Variants in RBPMS observed in about 807,000 individuals in gnomAD.
RBPMS encodes the protein RNA binding protein, mRNA processing factor, also known as RNA-binding protein with multiple splicing.
In RBPMS, 7 loss-of-function variants were observed where a neutral mutation model predicts 26.8. That is an observed-to-expected ratio of 0.26 (90% CI 0.15 to 0.49). RBPMS has a LOEUF of 0.49. Ranked by LOEUF, RBPMS falls within the 20% of genes least tolerant of loss-of-function variation. The pLI is 0.98. For synonymous variants in RBPMS, 96 were observed against 93.3 expected, an observed-to-expected ratio of 1.03 and a Z score of -0.17; for missense variants, 186 against 250.0, an observed-to-expected ratio of 0.74 and a Z score of 1.73.
chr8:30,515,943 C>T (rs1000799950), intron 5 of RBPMS, among the ~76,000 whole-genome samples: 2 of 152,242 alleles, frequency 1.3e-5, no homozygotes, highest in African/African-American at 4.8e-5. Context: ...GGCACCGTAC[C>T]TGGCCCCTTA....
intron 1 of RBPMS, among the ~76,000 whole-genome samples, chr8:30,428,705 T>G (rs1414988581): frequency 1.3e-5 from 2 of 152,076 alleles, no homozygotes; most frequent in East Asian, 3.9e-4. Context: ...TTCATTTCCT[T>G]ATATTATAAA....
rs1554522504 is a variant in RBPMS at position 30,477,764 on chromosome 8, A to G, written c.145-35A>G. 6 of 1,486,472 alleles carry G rather than the reference A, an allele frequency of 4.0e-6. No individual in the cohort carries two copies. The Admixed American group carries it at 1.0e-4, about 25-fold the overall frequency. 92.1% of individuals were successfully genotyped at this position (1,486,472 alleles called of 1,614,324 possible). A position where few individuals can be genotyped will look rare whatever the true frequency, so the allele number is the denominator to read the frequency against. ...TGAACAAGATGGTATTACTACAGTT[A>G]CTTTTGGCTAAACTTGGTTTTTCTT... On this transcript the variant is annotated intron_variant, in intron 2 of 8. Transcript: ENST00000397323.
In RBPMS at chr8:30,556,337, A is replaced by G. The variant is rs1177341720; in HGVS notation, c.529-2550A>G. On this transcript the variant is annotated intron_variant, in intron 6 of 8. Transcript: ENST00000397323. Reference sequence around the variant, plus strand: ...CGACCAGGCTGACGAGAGCCTGAAGACGGGCTGCACGCTCGTCCCCAACCC... The same window carrying G: ...CGACCAGGCTGACGAGAGCCTGAAGGCGGGCTGCACGCTCGTCCCCAACCC... 6 of 985,602 alleles carry G rather than the reference A, an allele frequency of 6.1e-6. No homozygotes were observed. In the East Asian group the frequency reaches 6.8e-4, roughly 112 times the overall value. 61.1% of individuals were successfully genotyped at this position (985,602 alleles called of 1,614,324 possible).
At chr8:30,388,109 G>A (rs947889907) in intron 1 of RBPMS, among the ~76,000 whole-genome samples, 4 of 151,982 alleles carry the variant, frequency 2.6e-5, no homozygotes, top group African/African-American at 4.8e-5. Context: ...TGTAATACAC[G>A]TACAATGTAT....
At chr8:30,432,896 C>T (rs890713861) in intron 1 of RBPMS, among the ~76,000 whole-genome samples, 1 of 152,182 alleles carries the variant, frequency 6.6e-6, no homozygotes. Flanking sequence ...ATCCTTTTCG[C>T]TTAAACATTC....
chr8:30,509,967 T>TA (rs1821414244), intron 5 of RBPMS, among the ~76,000 whole-genome samples: 1 of 152,256 alleles, frequency 6.6e-6, no homozygotes, highest in Non-Finnish European at 1.5e-5. Context: ...CACCTTTTAA[T>TA]ATGCACATAA....
chr8:30,511,191 T>C (rs1246583659), intron 5 of RBPMS, among the ~76,000 whole-genome samples: 5 of 152,010 alleles, frequency 3.3e-5, no homozygotes, highest in Non-Finnish European at 2.9e-5. Context: ...AGCGCTCACC[T>C]GTAATCTCAG....
intron 7 of RBPMS, among the ~76,000 whole-genome samples, 173 bp downstream of exon 7, chr8:30,559,129 G>C (rs1022217235): frequency 2.0e-5 from 3 of 152,264 alleles, no homozygotes; most frequent in African/African-American, 7.2e-5. Context: ...TTTTCCGAGA[G>C]GAAATTTTCA....
chr8:30,460,140 A>G (rs1815718436), intron 1 of RBPMS, among the ~76,000 whole-genome samples: 1 of 152,256 alleles, frequency 6.6e-6, no homozygotes, highest in Admixed American at 6.5e-5. Context: ...TATTAATTGT[A>G]GCCTAAATGT....
At chr8:30,559,369 T>G (rs1827255670) in intron 7 of RBPMS, among the ~76,000 whole-genome samples, 1 of 152,236 alleles carries the variant, frequency 6.6e-6, no homozygotes, top group South Asian at 2.1e-4. Flanking sequence ...TAGAATGAGT[T>G]TCCCTGCATA....
chr8:30,545,004 G>A (rs1825754827), intron 6 of RBPMS: 1 of 1,445,774 alleles, frequency 6.9e-7, no homozygotes, highest in Non-Finnish European at 9.1e-7. Context: ...TAGGAGAAGG[G>A]GATATGTGCG....
chr8:30,412,452 T>C (rs1809557040), intron 1 of RBPMS, among the ~76,000 whole-genome samples: 2 of 152,160 alleles, frequency 1.3e-5, no homozygotes, highest in Non-Finnish European at 1.5e-5. Context: ...CACTACTTTT[T>C]TTTTTTTTTG....
rs936014066 is a variant in RBPMS, at chr8:30,570,868, AAGTG to A, written c.*347_*350del. On this transcript the variant is annotated 3_prime_UTR_variant, in exon 9 of 9. Coordinates refer to ENST00000397323, the MANE Select transcript of RBPMS (RefSeq NM_001008710.3). ...GAGAAGTCAACAATAAAACCAAGAA[AAGTG>A]AGTATTTTTATACCAAACATTTTAA... 2 of 152,312 alleles carry A rather than the reference AAGTG, an allele frequency of 1.3e-5. No individual in the cohort carries two copies. Among genetic ancestry groups the A allele is most frequent in the African/African-American group, 4.8e-5 (2 of 41,454 alleles). 9.4% of individuals were successfully genotyped at this position (152,312 alleles called of 1,614,324 possible).
intron 1 of RBPMS, among the ~76,000 whole-genome samples, chr8:30,418,552 T>C (rs1448330543): frequency 2.0e-5 from 3 of 152,208 alleles, no homozygotes; most frequent in Non-Finnish European, 4.4e-5. Context: ...ATTGCATTTT[T>C]GATTTTGTAG....
chr8:30,432,703 G>A (rs980020528), intron 1 of RBPMS, among the ~76,000 whole-genome samples: 1 of 152,162 alleles, frequency 6.6e-6, no homozygotes, highest in Non-Finnish European at 1.5e-5. Context: ...AATAGCTGGT[G>A]TAATGAAACC....
chr8:30,417,524 T>C lies in RBPMS; in HGVS notation c.66+32366T>C, dbSNP rs1048751524. Among the ~76,000 whole-genome samples the C allele has an allele frequency of 6.6e-5, 10 of 152,370 alleles. No individual in the cohort carries two copies. In the East Asian group the frequency reaches 1.9e-3, roughly 29 times the overall value. On this transcript the variant is annotated intron_variant, in intron 1 of 8. Transcript: ENST00000397323. ...AAAATTATGAAGTTTTCAGTAATTG[T>C]GACTTTTTAAACATGTAAAAGTATG... is the stretch of plus-strand genomic sequence containing the variant.
At chr8:30,431,475 C>T (rs1811929187) in intron 1 of RBPMS, among the ~76,000 whole-genome samples, 3 of 151,118 alleles carry the variant, frequency 2.0e-5, no homozygotes, top group African/African-American at 4.9e-5. Context: ...TTTCTTGAGA[C>T]GGACTCTCTC....
Position 30,484,835 on chromosome 8 carries a change from A to G in RBPMS, c.246+5458A>G, listed in dbSNP as rs111926997. 4.6e-3 allele frequency among the ~76,000 whole-genome samples: 694 copies of G among 152,340 alleles called. 2 individuals are homozygous for G. The highest frequency in any genetic ancestry group is 0.01 in the Middle Eastern group (3 of 294). On this transcript the variant is annotated intron_variant, in intron 4 of 8. Transcript: ENST00000397323. ...ATTCAAATAAACACTACAGTTATTT[A>G]TAAATATCACAGTGATTACAGCCTT...
chr8:30,447,289 C>T (rs1232897752), intron 1 of RBPMS, among the ~76,000 whole-genome samples: 1 of 152,166 alleles, frequency 6.6e-6, no homozygotes, highest in African/African-American at 2.4e-5. Flanking sequence ...CCAAGCATTT[C>T]AGTTAAAGGG....
Sources: allele counts gnomAD v4.1 joint callset (sites outside exome capture counted in the v4.1 genomes callset), GRCh38; gene constraint gnomAD v4.1.1; transcripts MANE v1.5; gene names NCBI Gene and HGNC (gene_info 2026-07-23, HGNC 2026-07-21).